The following SGCZ variants were observed in gnomAD, a reference collection of about 807,000 sequenced individuals.
SGCZ encodes the protein sarcoglycan zeta, also known as zeta-sarcoglycan.
SGCZ carries 40 observed loss-of-function variants against 41.3 expected under a neutral mutation model. The ratio of observed to expected loss-of-function variants is 0.97; its 90% CI spans 0.75 to 1.26. SGCZ has a LOEUF of 1.26. Among genes scored for constraint, SGCZ ranks in the 50% most tolerant of loss-of-function variants. The probability of loss-of-function intolerance (pLI) is 0.00; values close to 1 mark genes in which losing one functional copy is unlikely to be tolerated. For synonymous variants in SGCZ, 206 were observed against 137.5 expected (o/e 1.50, Z -3.49); for missense variants, 552 against 369.8 (o/e 1.49, Z -4.04).
At chr8:14,375,776 G>T (rs930522426) in intron 2 of SGCZ, among the ~76,000 whole-genome samples, 4 of 151,842 alleles carry the variant, frequency 2.6e-5, no homozygotes, top group African/African-American at 9.7e-5. Flanking sequence ...CAGAAACAAT[G>T]AAAATGAATA....
At chr8:14,326,987 G>C (rs889424291) in intron 2 of SGCZ, among the ~76,000 whole-genome samples, 1 of 142,484 alleles carries the variant, frequency 7.0e-6, no homozygotes, top group African/African-American at 2.5e-5. Flanking sequence ...TATTCTTAAA[G>C]TGGCAAAAAA....
chr8:14,521,307 T>C (rs933514334), intron 2 of SGCZ, among the ~76,000 whole-genome samples: 3 of 152,138 alleles, frequency 2.0e-5, no homozygotes, highest in Non-Finnish European at 2.9e-5. Flanking sequence ...ATCATTAAAA[T>C]ATAACTTCGG....
intron 1 of SGCZ, among the ~76,000 whole-genome samples, chr8:14,632,749 T>C (rs920898673): frequency 1.3e-5 from 2 of 152,040 alleles, no homozygotes; most frequent in African/African-American, 2.4e-5. Context: ...AAATCCAATA[T>C]TCTATTTCTA....
intron 1 of SGCZ, among the ~76,000 whole-genome samples, chr8:14,743,770 G>A (rs562181551): frequency 6.6e-6 from 1 of 151,920 alleles, no homozygotes; most frequent in East Asian, 1.9e-4. Flanking sequence ...AGAAACTAAA[G>A]AATAAAAGTC....
At chr8:14,738,535 G>A (rs1269335540) in intron 1 of SGCZ, among the ~76,000 whole-genome samples, 1 of 152,056 alleles carries the variant, frequency 6.6e-6, no homozygotes, top group Non-Finnish European at 1.5e-5. Context: ...TAGGAGCAGT[G>A]TACCTAGCTC....
intron 2 of SGCZ, among the ~76,000 whole-genome samples, chr8:14,465,484 C>A (rs1035308373): frequency 6.6e-6 from 1 of 151,428 alleles, no homozygotes; most frequent in African/African-American, 2.4e-5. Context: ...ATTTTTAATC[C>A]ATGTACATTT....
intron 1 of SGCZ, among the ~76,000 whole-genome samples, chr8:14,727,193 A>G (rs1004280675): frequency 6.6e-6 from 1 of 152,182 alleles, no homozygotes; most frequent in Non-Finnish European, 1.5e-5. Flanking sequence ...CAAAGAAGAC[A>G]TATAAATAGT....
At chr8:14,746,151 G>C (rs1260647037) in intron 1 of SGCZ, among the ~76,000 whole-genome samples, 1 of 151,818 alleles carries the variant, frequency 6.6e-6, no homozygotes, top group East Asian at 1.9e-4. Context: ...AAGGTCATTA[G>C]CATAATAGAT....
At chr8:15,188,008 C>T (rs1800401466) in intron 1 of SGCZ, among the ~76,000 whole-genome samples, 1 of 151,932 alleles carries the variant, frequency 6.6e-6, no homozygotes, top group Non-Finnish European at 1.5e-5. Flanking sequence ...TTTATTGAAA[C>T]ATATATGTAA....
At chr8:14,380,294 T>G (rs998315741) in intron 2 of SGCZ, among the ~76,000 whole-genome samples, 4 of 152,198 alleles carry the variant, frequency 2.6e-5, no homozygotes, top group Admixed American at 2.0e-4. Flanking sequence ...TTCATTTCTT[T>G]GATGCTTTTT....
rs183162120 is a variant in SGCZ at position 15,097,555 on chromosome 8, G to C, written c.39+140030C>G. ...GTTGAATGCCAGGAGTTTGAGACAA[G>C]CTTGCACAACAAAGTGAAACCCCAT... On this transcript the variant is annotated intron_variant, in intron 1 of 7. Coordinates refer to ENST00000382080, the MANE Select transcript of SGCZ (RefSeq NM_139167.4). 1.2e-3 allele frequency among the ~76,000 whole-genome samples: 187 copies of C among 151,660 alleles called. 1 individual carries two copies. The highest frequency in any genetic ancestry group is 4.4e-3 in the African/African-American group (180 of 41,364).
At chr8:14,656,274 C>A (rs961412170) in intron 1 of SGCZ, among the ~76,000 whole-genome samples, 2 of 152,138 alleles carry the variant, frequency 1.3e-5, no homozygotes, top group African/African-American at 4.8e-5. Context: ...ATTGTTTTAG[C>A]CATTCTGATA....
chr8:14,096,632 G>A (rs567000286), intron 7 of SGCZ, among the ~76,000 whole-genome samples: 1 of 152,168 alleles, frequency 6.6e-6, no homozygotes, highest in African/African-American at 2.4e-5. Flanking sequence ...GTGAGTTAGG[G>A]AGGATTCCCT....
Position 14,389,776 on chromosome 8 carries a change from AT to A in SGCZ, c.235-65573del, listed in dbSNP as rs570432391. ...GCTAAAACTGAGCAAGTATTTTTCA[AT>A]TTAAAAAAAATAACTATGACTAATA... On this transcript the variant is annotated intron_variant, in intron 2 of 7. Transcript: ENST00000382080. Among the ~76,000 whole-genome samples the A allele has an allele frequency of 1.6e-3, 242 of 152,166 alleles. 2 individuals carry two copies. The highest frequency in any genetic ancestry group is 5.1e-3 in the African/African-American group (212 of 41,562).
At chr8:14,906,636 C>T (rs1272703738) in intron 1 of SGCZ, among the ~76,000 whole-genome samples, 10 of 152,070 alleles carry the variant, frequency 6.6e-5, no homozygotes, top group Admixed American at 5.2e-4. Flanking sequence ...GTACTAAATC[C>T]ATATTATACT....
chr8:14,640,443 G>A (rs1189529895), intron 1 of SGCZ, among the ~76,000 whole-genome samples: 10 of 151,548 alleles, frequency 6.6e-5, no homozygotes, highest in Admixed American at 1.3e-4. Flanking sequence ...GTAAGCAATC[G>A]GTCCTTTTCT....
At chr8:14,270,050 G>A (rs1800007258) in intron 3 of SGCZ, among the ~76,000 whole-genome samples, 1 of 152,130 alleles carries the variant, frequency 6.6e-6, no homozygotes, top group Non-Finnish European at 1.5e-5. Context: ...TAAAAATCAA[G>A]TCCAGGTGTG....
chr8:14,281,403 T>C (rs1040047361), intron 3 of SGCZ, among the ~76,000 whole-genome samples: 2 of 152,028 alleles, frequency 1.3e-5, no homozygotes, highest in South Asian at 2.1e-4. Flanking sequence ...CAATTTTCCA[T>C]GTCATTCTAA....
intron 1 of SGCZ, among the ~76,000 whole-genome samples, chr8:14,919,908 A>T (rs1400599783): frequency 1.3e-5 from 2 of 151,668 alleles, no homozygotes; most frequent in Non-Finnish European, 2.9e-5. Context: ...ACAGAGTGAG[A>T]CTCTGTTTTT....
Sources: allele counts gnomAD v4.1 joint callset (sites outside exome capture counted in the v4.1 genomes callset), GRCh38; gene constraint gnomAD v4.1.1; transcripts MANE v1.5; gene names NCBI Gene and HGNC (gene_info 2026-07-23, HGNC 2026-07-21).